PLCG2: variants seen among roughly 807,000 people sequenced by gnomAD.
The protein encoded by PLCG2 is phospholipase C gamma 2.
In PLCG2, 69 loss-of-function variants were observed where a neutral mutation model predicts 175.6. The observed-to-expected ratio is 0.39, with a 90% confidence interval of 0.32 to 0.48. The LOEUF (loss-of-function observed/expected upper bound fraction) is 0.48. Ranked by LOEUF, PLCG2 falls within the 20% of genes least tolerant of loss-of-function variation. The pLI, the probability that PLCG2 is intolerant of heterozygous loss-of-function variation, is 0.91. For synonymous variants in PLCG2, 827 were observed against 624.0 expected (o/e 1.33, Z -4.85); for missense variants, 1,798 against 1,650.9 (o/e 1.09, Z -1.54).
At chr16:81,748,421 AAAAG>A (rs1306273582) in intron 1 of PLCG2, among the ~76,000 whole-genome samples, 3 of 152,238 alleles carry the variant, frequency 2.0e-5, no homozygotes, top group Non-Finnish European at 4.4e-5. Flanking sequence ...AAAAAATGAA[AAAAG>A]AAAGGTGCAG....
chr16:81,848,678 G>T (rs1906247577), intron 2 of PLCG2, among the ~76,000 whole-genome samples: 1 of 152,006 alleles, frequency 6.6e-6, no homozygotes, highest in Non-Finnish European at 1.5e-5. Flanking sequence ...ATTTCTCTCT[G>T]TCCCTTTCCT....
At chr16:81,772,161 A>G (rs79097554) in intron 2 of PLCG2, among the ~76,000 whole-genome samples, 7,806 of 152,270 alleles carry the variant, frequency 0.051, 265 homozygotes, top group Non-Finnish European at 0.081. Flanking sequence ...TGGACACTCA[A>G]TCAGAGGACT....
chr16:81,828,905 G>A (rs1486821372), intron 2 of PLCG2, among the ~76,000 whole-genome samples: 1 of 152,106 alleles, frequency 6.6e-6, no homozygotes, highest in Admixed American at 6.6e-5. Flanking sequence ...ATAAGAGGCT[G>A]TATCTTACCA....
chr16:81,923,741 G>A (rs1910150887), intron 22 of PLCG2, 147 bp downstream of exon 22: 1 of 564,796 alleles, frequency 1.8e-6, no homozygotes, highest in Non-Finnish European at 3.2e-6. Context: ...TCTTAGGAAG[G>A]TGGCTTGGTG....
chr16:81,903,510 T>C (rs952556676), intron 14 of PLCG2, among the ~76,000 whole-genome samples: 3 of 152,188 alleles, frequency 2.0e-5, no homozygotes, highest in African/African-American at 7.2e-5. Flanking sequence ...GTCTTGCAGA[T>C]GAGAAGTGTG....
At chr16:81,776,546 T>G (rs1469811496), upstream of PLCG2, among the ~76,000 whole-genome samples, 5 of 152,198 alleles carry the variant, frequency 3.3e-5, no homozygotes, top group African/African-American at 4.8e-5. Flanking sequence ...GCCTGCCGCC[T>G]TGATGATGAC....
At chr16:81,802,182 G>A (rs1463484129) in intron 2 of PLCG2, among the ~76,000 whole-genome samples, 1 of 121,594 alleles carries the variant, frequency 8.2e-6, no homozygotes, top group African/African-American at 3.1e-5. Flanking sequence ...GCGCTATCTT[G>A]GCTCACTGCA....
chr16:81,905,750 C>A (rs1443690431), intron 15 of PLCG2, among the ~76,000 whole-genome samples: 3 of 152,146 alleles, frequency 2.0e-5, no homozygotes, highest in African/African-American at 7.2e-5. Flanking sequence ...CCTTGACCTC[C>A]CAGGCTCAAG....
rs200824503 is a variant in PLCG2 at position 81,962,203 on chromosome 16, T to A, written c.*4205T>A. The A allele has an allele frequency of 5.2e-5, 1 of 19,312 alleles. No homozygotes were observed. Among genetic ancestry groups the A allele is most frequent in the Admixed American group, 8.4e-4 (1 of 1,196 alleles). 1.2% of individuals were successfully genotyped at this position (19,312 alleles called of 1,614,324 possible). ...GGGCCACTAAGTGATGAATTGTATT[T>A]GGAAGCAAAAAGGATGGCTAAAAAG... On this transcript the variant is annotated 3_prime_UTR_variant, in exon 33 of 33. Coordinates refer to ENST00000564138, the MANE Select transcript of PLCG2 (RefSeq NM_002661.5).
At chr16:81,882,448 C>G (rs960105748) in intron 8 of PLCG2, among the ~76,000 whole-genome samples, 3 of 152,110 alleles carry the variant, frequency 2.0e-5, no homozygotes, top group African/African-American at 7.2e-5. Flanking sequence ...ACCCAGGGAA[C>G]TCTGGATCGT....
chr16:81,864,142 G>A (rs549009467), intron 5 of PLCG2, among the ~76,000 whole-genome samples: 1 of 152,298 alleles, frequency 6.6e-6, no homozygotes, highest in Admixed American at 6.5e-5. Flanking sequence ...GAGGATTTGT[G>A]AAAGTGGAGG....
chr16:81,908,143 C>T (rs1909458490), intron 16 of PLCG2, among the ~76,000 whole-genome samples: 1 of 152,214 alleles, frequency 6.6e-6, no homozygotes, highest in African/African-American at 2.4e-5. Flanking sequence ...TCAGACTTCC[C>T]ATAGAACAGA....
chr16:81,814,924 G>A (rs1904477139), intron 2 of PLCG2, among the ~76,000 whole-genome samples: 1 of 152,190 alleles, frequency 6.6e-6, no homozygotes, highest in South Asian at 2.1e-4. Context: ...GTAGCACAGG[G>A]TTTGTCTAGA....
chr16:81,875,113 A>C (rs1180627975), intron 7 of PLCG2, among the ~76,000 whole-genome samples: 1 of 151,466 alleles, frequency 6.6e-6, no homozygotes, highest in Non-Finnish European at 1.5e-5. Context: ...ACAGGCATGC[A>C]CCATCACGCC....
At chr16:81,834,088 G>A (rs1034414151) in intron 2 of PLCG2, among the ~76,000 whole-genome samples, 3 of 152,152 alleles carry the variant, frequency 2.0e-5, no homozygotes, top group African/African-American at 4.8e-5. Context: ...TGGGCCACCC[G>A]CACAGACTAC....
intron 7 of PLCG2, among the ~76,000 whole-genome samples, chr16:81,880,029 C>T (rs1356385727): frequency 1.3e-5 from 2 of 152,142 alleles, no homozygotes; most frequent in Non-Finnish European, 2.9e-5. Context: ...CTCTTGAGGC[C>T]AGGAGTTCAA....
At chr16:81,770,131 G>T (rs1055543273) in intron 2 of PLCG2, among the ~76,000 whole-genome samples, 1 of 151,924 alleles carries the variant, frequency 6.6e-6, no homozygotes, top group East Asian at 1.9e-4. Flanking sequence ...TTTTATTGAT[G>T]CATAACAACG....
intron 7 of PLCG2, among the ~76,000 whole-genome samples, chr16:81,876,992 A>T (rs901927609): frequency 1.4e-4 from 22 of 152,176 alleles, no homozygotes; most frequent in Admixed American, 1.2e-3. Flanking sequence ...TTAGGAGAAA[A>T]GTCCTTGCCT....
intron 2 of PLCG2, among the ~76,000 whole-genome samples, chr16:81,793,050 A>G (rs147840666): frequency 7.2e-4 from 109 of 152,340 alleles, no homozygotes; most frequent in African/African-American, 2.5e-3. Context: ...ACTTAATACA[A>G]TAAGACCAGA....
Sources: allele counts gnomAD v4.1 joint callset (sites outside exome capture counted in the v4.1 genomes callset), GRCh38; gene constraint gnomAD v4.1.1; transcripts MANE v1.5; gene names NCBI Gene and HGNC (gene_info 2026-07-23, HGNC 2026-07-21).